The following GLI3 variants were observed in gnomAD, a reference collection of about 807,000 sequenced individuals.
The protein encoded by GLI3 is GLI family zinc finger 3, also known as transcription activator GLI3.
A neutral mutation model predicts 100.8 loss-of-function variants in GLI3; 20 were observed. That is an observed-to-expected ratio of 0.20 (90% confidence interval 0.14 to 0.29). The LOEUF is 0.29. GLI3 is among the 10% of genes least tolerant of loss of function. The probability of loss-of-function intolerance (pLI) is 1.00; values close to 1 mark genes in which losing one functional copy is unlikely to be tolerated. For synonymous variants in GLI3, 938 were observed against 860.5 expected (o/e 1.09, Z -1.58); for missense variants, 2,040 against 2,128.5 (o/e 0.96, Z 0.82).
chr7:42,061,476 G>A (rs765815437), intron 4 of GLI3, among the ~76,000 whole-genome samples: 24 of 151,924 alleles, frequency 1.6e-4, no homozygotes, highest in Non-Finnish European at 2.9e-4. Flanking sequence ...AAGTTATATA[G>A]AGATGTCCAA....
intron 2 of GLI3, among the ~76,000 whole-genome samples, chr7:42,156,746 G>T (rs972425442): frequency 6.6e-6 from 1 of 152,180 alleles, no homozygotes; most frequent in East Asian, 1.9e-4. Context: ...TTAAAGGCAC[G>T]AAGGAATAAA....
At chr7:42,257,986 G>A (rs992056559) in intron 1 of GLI3, among the ~76,000 whole-genome samples, 1 of 152,124 alleles carries the variant, frequency 6.6e-6, no homozygotes, top group South Asian at 2.1e-4. Flanking sequence ...TGTTCATGAG[G>A]AATATTGAAC....
chr7:42,141,565 G>C (rs1786568331), intron 3 of GLI3, among the ~76,000 whole-genome samples: 1 of 152,098 alleles, frequency 6.6e-6, no homozygotes, highest in Non-Finnish European at 1.5e-5. Flanking sequence ...CCAGCTGCTT[G>C]GGAGGTAGAG....
chr7:42,092,837 G>A (rs932312232), intron 3 of GLI3, among the ~76,000 whole-genome samples: 6 of 148,012 alleles, frequency 4.1e-5, no homozygotes, highest in Non-Finnish European at 8.9e-5. Context: ...TTATAGAGAC[G>A]GAGTCTTGCT....
chr7:42,135,407 T>A (rs1786402650), intron 3 of GLI3, among the ~76,000 whole-genome samples: 2 of 152,216 alleles, frequency 1.3e-5, no homozygotes, highest in Non-Finnish European at 2.9e-5. Context: ...TGCCACAACA[T>A]GTATCTTTAT....
chr7:42,050,553 T>C (rs1784333596), intron 4 of GLI3, among the ~76,000 whole-genome samples: 1 of 152,230 alleles, frequency 6.6e-6, no homozygotes, highest in African/African-American at 2.4e-5. Flanking sequence ...AATTCATTCA[T>C]TTATTCTTCA....
At chr7:42,127,821 A>T (rs951286962) in intron 3 of GLI3, among the ~76,000 whole-genome samples, 1 of 152,108 alleles carries the variant, frequency 6.6e-6, no homozygotes, top group Non-Finnish European at 1.5e-5. Flanking sequence ...CAGCCTGGGC[A>T]ACATGGCAAA....
Position 42,048,509 on chromosome 7 carries a change from C to A in GLI3, c.661G>T (p.Gly221Trp), listed in dbSNP as rs1013811017. ...GACTTACCATCTGTAGGGCTCAGCC[C>A]ACGGGTTGCTGAGATCATGGAGAGC... ...PSLSMISATR[G>W]LSPTDAPHAG... Residue 221 changes from glycine to tryptophan, a missense_variant, in exon 5 of 15, where the codon GGG becomes TGG. By Grantham distance (184) the Gly-to-Trp change is radical (BLOSUM62 -2). This residue lies in a region of GLI3 where 603 missense variants were observed against 690.9 expected (regional missense o/e 0.87). Transcript: ENST00000395925. 8.7e-6 allele frequency: 14 copies of A among 1,611,194 alleles called. No homozygotes were observed. The highest frequency in any genetic ancestry group is 1.2e-5 in the Non-Finnish European group (14 of 1,177,992).
chr7:42,012,048 T>C (rs941554890), intron 10 of GLI3, among the ~76,000 whole-genome samples: 1 of 152,152 alleles, frequency 6.6e-6, no homozygotes, highest in Non-Finnish European at 1.5e-5. Context: ...CGCTCGTGCC[T>C]CTGAGCAGAA....
chr7:42,186,276 T>C (rs1787714442), intron 2 of GLI3, among the ~76,000 whole-genome samples: 1 of 152,182 alleles, frequency 6.6e-6, no homozygotes, highest in Admixed American at 6.5e-5. Flanking sequence ...GGCATGGTAT[T>C]ATAACTGAAT....
chr7:42,160,595 A>C (rs573329398), intron 2 of GLI3, among the ~76,000 whole-genome samples: 12 of 152,304 alleles, frequency 7.9e-5, no homozygotes, highest in African/African-American at 2.9e-4. Context: ...TCAGATTTGG[A>C]AGCATTTGGG....
chr7:42,154,434 C>A (rs1229259432), intron 2 of GLI3, among the ~76,000 whole-genome samples: 1 of 152,206 alleles, frequency 6.6e-6, no homozygotes, highest in Non-Finnish European at 1.5e-5. Flanking sequence ...AGACACAGAG[C>A]ATAATCGTCT....
intron 3 of GLI3, among the ~76,000 whole-genome samples, chr7:42,116,488 A>G (rs1431702696): frequency 9.0e-6 from 1 of 111,474 alleles, no homozygotes; most frequent in Non-Finnish European, 1.7e-5. Context: ...CTGCAAAAAG[A>G]AAAAAAAAAA....
At chr7:42,019,390 C>T (rs910146120) in intron 10 of GLI3, among the ~76,000 whole-genome samples, 1 of 152,112 alleles carries the variant, frequency 6.6e-6, no homozygotes, top group Non-Finnish European at 1.5e-5. Flanking sequence ...CATCAAAGAC[C>T]CAAAGATGGA....
At chr7:42,162,646 T>C (rs1758816517) in intron 2 of GLI3, among the ~76,000 whole-genome samples, 1 of 152,208 alleles carries the variant, frequency 6.6e-6, no homozygotes, top group African/African-American at 2.4e-5. Flanking sequence ...CTGACAATTC[T>C]GTCAATTCTA....
intron 3 of GLI3, among the ~76,000 whole-genome samples, chr7:42,082,718 G>T (rs949680229): frequency 6.6e-6 from 1 of 152,118 alleles, no homozygotes; most frequent in African/African-American, 2.4e-5. Flanking sequence ...GTTTAAAGAA[G>T]CTGTGGTTCT....
At chr7:42,161,960 A>G (rs944472224) in intron 2 of GLI3, among the ~76,000 whole-genome samples, 1 of 152,156 alleles carries the variant, frequency 6.6e-6, no homozygotes, top group Non-Finnish European at 1.5e-5. Flanking sequence ...TTCACATTCA[A>G]TTCATACAGA....
intron 3 of GLI3, among the ~76,000 whole-genome samples, chr7:42,141,423 G>A (rs1172977676): frequency 2.0e-5 from 3 of 152,178 alleles, no homozygotes; most frequent in Admixed American, 1.3e-4. Flanking sequence ...TGTAATCCTA[G>A]CACTTTGGGA....
chr7:42,113,520 A>C (rs1785769148), intron 3 of GLI3: 3 of 1,137,514 alleles, frequency 2.6e-6, no homozygotes, highest in Non-Finnish European at 3.9e-6. Flanking sequence ...AAAGGGAAAA[A>C]GGGAAAAGCT....
Sources: allele counts gnomAD v4.1 joint callset (sites outside exome capture counted in the v4.1 genomes callset), GRCh38; gene constraint gnomAD v4.1.1; regional missense constraint gnomAD v4.1.1; transcripts MANE v1.5; gene names NCBI Gene and HGNC (gene_info 2026-07-23, HGNC 2026-07-21).